Variants in SCN10A observed in about 807,000 individuals in gnomAD.
SCN10A encodes the protein sodium voltage-gated channel alpha subunit 10.
Under a neutral mutation model 170.7 loss-of-function variants are expected in SCN10A, and 162 were observed. The observed-to-expected ratio is 0.95, with a 90% CI of 0.84 to 1.08. SCN10A has a LOEUF of 1.08. SCN10A is among the 50% of genes least tolerant of loss of function. SCN10A has a pLI of 0.00. For missense variants in SCN10A, 2,527 were observed against 2,436.9 expected (o/e 1.04, Z -0.78); for synonymous variants, 985 against 904.6 (o/e 1.09, Z -1.59).
At chr3:38,711,341 A>G (rs1266925827) in intron 23 of SCN10A, among the ~76,000 whole-genome samples, 1 of 152,238 alleles carries the variant, frequency 6.6e-6, no homozygotes, top group African/African-American at 2.4e-5. Context: ...TCCTGCCTTC[A>G]GCTTTAGCAT....
intron 4 of SCN10A, among the ~76,000 whole-genome samples, chr3:38,772,551 C>A (rs1425395828): frequency 6.6e-6 from 1 of 151,880 alleles, no homozygotes; most frequent in Non-Finnish European, 1.5e-5. Flanking sequence ...TAGCCGGGCG[C>A]CTTGGCGGGC....
At chr3:38,758,217 C>T (rs562972646) in intron 8 of SCN10A, among the ~76,000 whole-genome samples, 4 of 152,288 alleles carry the variant, frequency 2.6e-5, no homozygotes, top group African/African-American at 7.2e-5. Context: ...ATCTCCACTT[C>T]GATTGAAGAT....
intron 18 of SCN10A, among the ~76,000 whole-genome samples, 192 bp downstream of exon 18, chr3:38,724,982 G>C (rs1403145927): frequency 1.3e-5 from 2 of 152,192 alleles, no homozygotes; most frequent in Admixed American, 1.3e-4. Flanking sequence ...ATGGTATATG[G>C]TGAAAGTTGA....
chr3:38,725,103 C>A, intron 18 of SCN10A, 71 bp downstream of exon 18: 1 of 1,430,758 alleles, frequency 7.0e-7, no homozygotes, highest in South Asian at 1.6e-5. Flanking sequence ...CCGCCACCCT[C>A]CAGCCTCTAC....
intron 21 of SCN10A, 75 bp from the exon 22 acceptor site, chr3:38,714,155 C>T: frequency 6.4e-7 from 1 of 1,564,728 alleles, no homozygotes; most frequent in South Asian, 1.1e-5. Context: ...GACAGGAACT[C>T]CCTGCCCAGC....
At chr3:38,771,998 G>T (rs1480123479) in intron 4 of SCN10A, among the ~76,000 whole-genome samples, 1 of 152,192 alleles carries the variant, frequency 6.6e-6, no homozygotes, top group Non-Finnish European at 1.5e-5. Flanking sequence ...ACAGGAACCA[G>T]TTGAGCTTTC....
chr3:38,783,152 G>T (rs950588725), intron 4 of SCN10A, among the ~76,000 whole-genome samples: 1 of 151,982 alleles, frequency 6.6e-6, no homozygotes, highest in African/African-American at 2.4e-5. Context: ...CCTCCTTAGA[G>T]GCCCAATCTC....
At position 38,752,597 on chromosome 3, in the gene SCN10A, C is replaced by A. The variant is rs546965918; in HGVS notation, c.1462-85G>T. On this transcript the variant is annotated intron_variant, in intron 11 of 27. Transcript: ENST00000449082. ...CCCAACACTTCCCTCTACCTACTCC[C>A]ATTTCCCTGCCCCTGTCTTTATGAC... 2.1e-5 allele frequency: 23 copies of A among 1,118,918 alleles called. No individual in the cohort carries two copies. The African/African-American group carries it at 3.0e-4, about 15-fold the overall frequency. The allele number at this position is 1,118,918 out of a possible 1,614,324, so 69.3% of individuals were successfully genotyped here.
intron 26 of SCN10A, among the ~76,000 whole-genome samples, chr3:38,706,835 G>T (rs1432766148): frequency 6.6e-6 from 1 of 152,132 alleles, no homozygotes; most frequent in African/African-American, 2.4e-5. Context: ...TCCTGACAGG[G>T]GAGTTGGGTT....
At position 38,742,592 on chromosome 3, in the gene SCN10A, G is replaced by A. The variant is rs921430153; in HGVS notation, c.1868-63C>T. The A allele has an allele frequency of 3.6e-5, 46 of 1,264,298 alleles. 1 individual carries two copies. The highest frequency in any genetic ancestry group is 1.9e-4 in the Middle Eastern group (1 of 5,254). The allele number at this position is 1,264,298 out of a possible 1,614,324, so 78.3% of individuals were successfully genotyped here. A position where few individuals can be genotyped will look rare whatever the true frequency, so the allele number is the denominator to read the frequency against. ...GTGTCACCTTGGACCCCAATTCTGC[G>A]GTCATCCTCTAGACCTTGTTGTTAA... is the stretch of plus-strand genomic sequence containing the variant. On this transcript the variant is annotated intron_variant, in intron 13 of 27. Coordinates refer to ENST00000449082, the MANE Select transcript of SCN10A (RefSeq NM_006514.4).
intron 12 of SCN10A, 125 bp from the exon 13 acceptor site, chr3:38,750,309 T>A (rs1342212629): frequency 8.4e-6 from 5 of 592,338 alleles, no homozygotes; most frequent in African/African-American, 1.9e-5. Context: ...GATAGAGATA[T>A]GTTCTGACAA....
At chr3:38,800,049 C>T (rs1016844395) in intron 1 of SCN10A, among the ~76,000 whole-genome samples, 6 of 152,106 alleles carry the variant, frequency 3.9e-5, no homozygotes, top group African/African-American at 1.2e-4. Flanking sequence ...AGTTTGTCAG[C>T]CCTAGAGCTA....
chr3:38,743,276 C>T (rs1343473201), intron 13 of SCN10A, among the ~76,000 whole-genome samples: 1 of 152,334 alleles, frequency 6.6e-6, no homozygotes, highest in East Asian at 1.9e-4. Context: ...GTGCCCCACA[C>T]AGTGCGTGGG....
At chr3:38,783,171 C>T (rs143303688) in intron 4 of SCN10A, among the ~76,000 whole-genome samples, 9 of 152,050 alleles carry the variant, frequency 5.9e-5, no homozygotes, top group Non-Finnish European at 1.3e-4. Context: ...TCCAACATAG[C>T]AACATGGGGG....
chr3:38,771,463 G>A (rs1201143751), intron 4 of SCN10A, 56 bp from the exon 5 acceptor site: 1 of 1,588,374 alleles, frequency 6.3e-7, no homozygotes, highest in South Asian at 1.1e-5. Flanking sequence ...TACTCAGGGG[G>A]TTCCTTCTTC....
chr3:38,780,648 CTT>C (rs537482386), intron 4 of SCN10A, among the ~76,000 whole-genome samples: 1 of 148,102 alleles, frequency 6.8e-6, no homozygotes, highest in Non-Finnish European at 1.5e-5. Flanking sequence ...GCATTTCTCA[CTT>C]TTTTTTTTGC....
chr3:38,797,361 C>T (rs2064346706), intron 1 of SCN10A, among the ~76,000 whole-genome samples: 1 of 152,174 alleles, frequency 6.6e-6, no homozygotes, highest in Admixed American at 6.5e-5. Context: ...ACTGCTCTGA[C>T]ACCATTCCTC....
chr3:38,776,028 T>G (rs1404815064), intron 4 of SCN10A, among the ~76,000 whole-genome samples: 1 of 152,082 alleles, frequency 6.6e-6, no homozygotes, highest in Non-Finnish European at 1.5e-5. Flanking sequence ...GGTTTAAAAG[T>G]GGGGTTGATA....
intron 2 of SCN10A, among the ~76,000 whole-genome samples, chr3:38,792,552 G>A (rs2064296452): frequency 6.6e-6 from 1 of 152,190 alleles, no homozygotes; most frequent in Non-Finnish European, 1.5e-5. Context: ...TCCTTGTTTT[G>A]TAATGTTTCT....
Sources: gnomAD v4.1 joint callset for allele counts (sites outside exome capture counted in the v4.1 genomes callset) on GRCh38, gnomAD v4.1.1 for gene constraint, MANE v1.5 for transcripts, NCBI Gene and HGNC (gene_info 2026-07-23, HGNC 2026-07-21) for gene names.